LPIN1: variants seen among roughly 807,000 people sequenced by gnomAD.
The protein encoded by LPIN1 is phosphatidate phosphatase LPIN1.
A neutral mutation model predicts 107.5 loss-of-function variants in LPIN1; 71 were observed. The observed-to-expected ratio is 0.66, with a 90% CI of 0.55 to 0.80. LPIN1 has a LOEUF of 0.80. Among genes scored for constraint, LPIN1 ranks in the 30% least tolerant of loss-of-function variants. The pLI is 0.00. For missense variants in LPIN1, 1,043 were observed against 1,160.6 expected (o/e 0.90, Z 1.47); for synonymous variants, 445 against 452.6 (o/e 0.98, Z 0.21).
intron 1 of LPIN1, among the ~76,000 whole-genome samples, chr2:11,734,899 A>G (rs1451144436): frequency 1.3e-5 from 2 of 152,166 alleles, no homozygotes; most frequent in African/African-American, 4.8e-5. Context: ...TTTGATTTGT[A>G]TTTACCCTTG....
intron 17 of LPIN1, among the ~76,000 whole-genome samples, chr2:11,811,425 C>T (rs1679627030): frequency 6.6e-6 from 1 of 152,228 alleles, no homozygotes; most frequent in Non-Finnish European, 1.5e-5. Context: ...CTTCCACCAG[C>T]AGCAAACATT....
In LPIN1 at chr2:11,782,272, T is replaced by A; in HGVS notation, c.1029T>A (p.Phe343Leu). 1 of 1,614,174 alleles carries A rather than the reference T, an allele frequency of 6.2e-7. No individual in the cohort carries two copies. The highest frequency in any genetic ancestry group is 1.3e-5 in the African/African-American group (1 of 75,038). ...GAAAAATTTGTGATAAAAGTCACTT[T>A]CAGGCCATTCACAGCGAATCTTCAG... The part of the protein sequence containing the change: ...SSRKICDKSH[F>L]QAIHSESSDT... Residue 343 changes from phenylalanine to leucine, a missense_variant, in exon 8 of 21, where the codon TTT becomes TTA. Transcript: ENST00000674199.
At chr2:11,689,775 G>T (rs1186101748) in intron 1 of LPIN1, among the ~76,000 whole-genome samples, 2 of 152,086 alleles carry the variant, frequency 1.3e-5, no homozygotes, top group African/African-American at 4.8e-5. Flanking sequence ...TGTTGTGGCG[G>T]GTGCCTGTAT....
At chr2:11,769,432 T>C (rs1431306959) in intron 3 of LPIN1, among the ~76,000 whole-genome samples, 1 of 152,184 alleles carries the variant, frequency 6.6e-6, no homozygotes, top group African/African-American at 2.4e-5. Context: ...TGTTTTTCTT[T>C]TTTACTGCTG....
At chr2:11,789,493 CGT>C (rs769660516) in intron 12 of LPIN1, among the ~76,000 whole-genome samples, 2 of 146,812 alleles carry the variant, frequency 1.4e-5, no homozygotes, top group Non-Finnish European at 3.0e-5. Flanking sequence ...TGGATGTGCA[CGT>C]GTGTGCGCGT....
At chr2:11,797,374 A>C (rs1423060134) in intron 14 of LPIN1, among the ~76,000 whole-genome samples, 1 of 152,154 alleles carries the variant, frequency 6.6e-6, no homozygotes, top group Non-Finnish European at 1.5e-5. Context: ...TGCAGAAACC[A>C]ATTGGGGAGG....
Position 11,791,112 on chromosome 2 carries a change from C to G in LPIN1, c.1714-802C>G, listed in dbSNP as rs1675647137. ...TTGCATTTTAGTGCAGTTGGGTTTT[C>G]TTTTGTGTCAGATAGGGATCTTTTA... is the stretch of plus-strand genomic sequence containing the variant. On this transcript the variant is annotated intron_variant, in intron 12 of 20. Coordinates refer to ENST00000674199, the MANE Select transcript of LPIN1 (RefSeq NM_001349206.2). Among the ~76,000 whole-genome samples, 3 of 152,114 alleles carry G rather than the reference C, an allele frequency of 2.0e-5. No homozygotes were observed. In the South Asian group the frequency reaches 6.2e-4, roughly 31 times the overall value.
intron 1 of LPIN1, among the ~76,000 whole-genome samples, chr2:11,711,315 CA>C (rs1468591782): frequency 1.3e-5 from 2 of 152,162 alleles, no homozygotes; most frequent in African/African-American, 4.8e-5. Context: ...AGAAGTGTTT[CA>C]AATGCATTGC....
At chr2:11,810,261 G>A (rs1299203760) in intron 17 of LPIN1, among the ~76,000 whole-genome samples, 1 of 152,230 alleles carries the variant, frequency 6.6e-6, no homozygotes, top group East Asian at 1.9e-4. Context: ...ACATCAGGAA[G>A]TTAATTTTGA....
intron 1 of LPIN1, among the ~76,000 whole-genome samples, chr2:11,698,723 T>A (rs11683832): frequency 0.21 from 32,154 of 152,198 alleles, 3,572 homozygotes; most frequent in East Asian, 0.31. Context: ...TCATGTGGAA[T>A]CTCTGGTATT....
chr2:11,794,079 A>G (rs1471806016), intron 13 of LPIN1, among the ~76,000 whole-genome samples: 1 of 152,248 alleles, frequency 6.6e-6, no homozygotes, highest in Admixed American at 6.5e-5. Flanking sequence ...TTATCAAGAT[A>G]TAATTGTTCT....
chr2:11,684,496 G>A (rs948489828), intron 1 of LPIN1, among the ~76,000 whole-genome samples: 4 of 152,318 alleles, frequency 2.6e-5, no homozygotes, highest in Non-Finnish European at 5.9e-5. Context: ...TTTGAAGGAA[G>A]AACCAGAGTA....
At chr2:11,787,387 C>CTTTTGTTTTTTTTTTTT (rs1674778008) in intron 11 of LPIN1, among the ~76,000 whole-genome samples, 1 of 131,620 alleles carries the variant, frequency 7.6e-6, no homozygotes, top group Non-Finnish European at 1.5e-5. Flanking sequence ...GTTTTCTTTT[C>CTTTTGTTTTTTTTTTTT]TTTTCTTTTT....
chr2:11,695,251 A>T (rs1309415236), intron 1 of LPIN1, among the ~76,000 whole-genome samples: 1 of 152,260 alleles, frequency 6.6e-6, no homozygotes, highest in Non-Finnish European at 1.5e-5. Flanking sequence ...TATGTAAATG[A>T]TAGAACATGC....
chr2:11,765,396 A>G lies in LPIN1; in HGVS notation c.-9-137A>G. 1 of 796,004 alleles carries G rather than the reference A, an allele frequency of 1.3e-6. No individual in the cohort carries two copies. The highest frequency in any genetic ancestry group is 2.0e-6 in the Non-Finnish European group (1 of 498,564). 49.3% of individuals were successfully genotyped at this position (796,004 alleles called of 1,614,324 possible). Reference sequence around the variant, plus strand: ...CCTGATGGGCTATGGGGGTGGATAGAACACATTCCGGAAATGAGAGGAGCT... The same window carrying G: ...CCTGATGGGCTATGGGGGTGGATAGGACACATTCCGGAAATGAGAGGAGCT... On this transcript the variant is annotated intron_variant, in intron 1 of 20. Transcript: ENST00000674199. The surrounding 1 kb of genome is among the most constrained non-coding windows in gnomAD (Gnocchi z 4.4).
chr2:11,792,160 G>A (rs544166599), intron 13 of LPIN1, 154 bp downstream of exon 13: 11 of 678,840 alleles, frequency 1.6e-5, no homozygotes, highest in East Asian at 6.1e-5. Flanking sequence ...GCGAGTGCTC[G>A]TGGAACGTGG....
At chr2:11,699,796 A>G (rs1373778578) in intron 1 of LPIN1, among the ~76,000 whole-genome samples, 5 of 152,166 alleles carry the variant, frequency 3.3e-5, no homozygotes, top group Admixed American at 3.3e-4. Context: ...GCAAAGTGAT[A>G]TAAGCAAGGG....
Position 11,767,667 on chromosome 2 carries a change from G to C in LPIN1, c.193-96G>C, listed in dbSNP as rs544270176. On this transcript the variant is annotated intron_variant, in intron 2 of 20. Coordinates refer to ENST00000674199, the MANE Select transcript of LPIN1 (RefSeq NM_001349206.2). ...TTGTGTGGCACTTCAGGGTGTATGC[G>C]ATGATAGCGTATCTGTGGAGACTTG... 335 of 792,786 alleles carry C rather than the reference G, an allele frequency of 4.2e-4. 3 individuals are homozygous for C. The highest frequency in any genetic ancestry group is 3.4e-3 in the Middle Eastern group (15 of 4,468). The allele number at this position is 792,786 out of a possible 1,614,324, so 49.1% of individuals were successfully genotyped here.
intron 1 of LPIN1, among the ~76,000 whole-genome samples, chr2:11,732,432 T>G (rs1478240922): frequency 1.3e-5 from 2 of 152,246 alleles, no homozygotes; most frequent in Non-Finnish European, 2.9e-5. Context: ...AGTCAGGGAC[T>G]GACAGACAGA....
Sources: allele counts gnomAD v4.1 joint callset (sites outside exome capture counted in the v4.1 genomes callset), GRCh38; gene constraint gnomAD v4.1.1; non-coding constraint Gnocchi (gnomAD v3.1); transcripts MANE v1.5; gene names NCBI Gene and HGNC (gene_info 2026-07-23, HGNC 2026-07-21).